The following CREBL2 variants were observed in gnomAD, a reference collection of about 807,000 sequenced individuals.
CREBL2 encodes cAMP-responsive element-binding protein-like 2.
In CREBL2, 4 loss-of-function variants were observed where a neutral mutation model predicts 19.5. The observed-to-expected ratio is 0.20, with a 90% CI of 0.10 to 0.47. The LOEUF (loss-of-function observed/expected upper bound fraction) is 0.47. CREBL2 is among the 20% of genes least tolerant of loss of function. CREBL2 has a pLI of 0.98. For synonymous variants in CREBL2, 42 were observed against 46.6 expected (o/e 0.90, Z 0.40); for missense variants, 85 against 145.1 (o/e 0.59, Z 2.13).
In CREBL2 at chr12:12,642,451, A is replaced by G. The variant is rs1010787243; in HGVS notation, c.*453A>G. ...AAACCAAATGAGCTGATTACTGACT[A>G]TAAGTTCTCAGCCTTTATGGACCTA... On this transcript the variant is annotated 3_prime_UTR_variant, in exon 4 of 4. Coordinates refer to ENST00000228865, the MANE Select transcript of CREBL2 (RefSeq NM_001310.4). 13 of 153,794 alleles carry G rather than the reference A, an allele frequency of 8.5e-5. No homozygotes were observed. The highest frequency in any genetic ancestry group is 3.1e-4 in the African/African-American group (13 of 41,500). The allele number at this position is 153,794 out of a possible 1,614,324, so 9.5% of individuals were successfully genotyped here. A position where few individuals can be genotyped will look rare whatever the true frequency, so the allele number is the denominator to read the frequency against.
At chr12:12,639,672 G>A (rs1045671783) in intron 3 of CREBL2, among the ~76,000 whole-genome samples, 1 of 152,094 alleles carries the variant, frequency 6.6e-6, no homozygotes, top group African/African-American at 2.4e-5. Flanking sequence ...TCTATTGGGG[G>A]AACCTGCCCC....
chr12:12,643,756 G>T lies in CREBL2; in HGVS notation c.*1758G>T, dbSNP rs1945544648. The T allele has an allele frequency of 6.6e-6, 1 of 152,166 alleles. No homozygotes were observed. Among genetic ancestry groups the T allele is most frequent in the South Asian group, 2.1e-4 (1 of 4,812 alleles). 9.4% of individuals were successfully genotyped at this position (152,166 alleles called of 1,614,324 possible). A position where few individuals can be genotyped will look rare whatever the true frequency, so the allele number is the denominator to read the frequency against. The stretch of plus-strand genomic sequence containing the variant: ...GCTGGGTCTCTATGTTTTGGAAGTT[G>T]GGGGTTTAATAATATTTAATGTCTT... On this transcript the variant is annotated 3_prime_UTR_variant, in exon 4 of 4. Coordinates refer to ENST00000228865, the MANE Select transcript of CREBL2 (RefSeq NM_001310.4).
At position 12,637,667 on chromosome 12, in the gene CREBL2, C is replaced by T; in HGVS notation, c.311C>T (p.Ser104Leu). The change falls in exon 3 of 4, where the codon TCA (serine) becomes TTA (leucine). Residue 104 changes from serine to leucine, a missense_variant. This residue lies in a region of CREBL2 where 42 missense variants were observed against 38.4 expected (regional missense o/e 1.09). Coordinates refer to ENST00000228865, the MANE Select transcript of CREBL2 (RefSeq NM_001310.4). ...GAGCAGAACAAATCTCAGCAGAACT[C>T]AAGCAGGCATACCAAGGCTGGGAAG... is the stretch of plus-strand genomic sequence containing the variant. ...GEEQNKSQQN[S>L]SRHTKAGKTD... 1 of 1,613,326 alleles carries T rather than the reference C, an allele frequency of 6.2e-7. No homozygotes were observed. Among genetic ancestry groups the T allele is most frequent in the Non-Finnish European group, 8.5e-7 (1 of 1,179,564 alleles).
intron 1 of CREBL2, among the ~76,000 whole-genome samples, chr12:12,613,550 G>C (rs1458396874): frequency 6.6e-6 from 1 of 152,168 alleles, no homozygotes; most frequent in Admixed American, 6.5e-5. Flanking sequence ...AGAAGGCTGT[G>C]AGGAAGTGAC....
intron 1 of CREBL2, among the ~76,000 whole-genome samples, chr12:12,632,857 C>T (rs1006662606): frequency 1.3e-5 from 2 of 151,192 alleles, no homozygotes; most frequent in African/African-American, 2.4e-5. Flanking sequence ...CCTGCAATTG[C>T]TTTCAAATAT....
Position 12,617,876 on chromosome 12 carries a change from C to T in CREBL2, c.15+5689C>T, listed in dbSNP as rs371182731. On this transcript the variant is annotated intron_variant, in intron 1 of 3. Transcript: ENST00000228865. The stretch of plus-strand genomic sequence containing the variant: ...ATTAGGGAATGGTGATGACTCTTAA[C>T]GAGCATGCTGCCTTCAAGCATCTGT... Among the ~76,000 whole-genome samples, 7 of 150,756 alleles carry T rather than the reference C, an allele frequency of 4.6e-5. No homozygotes were observed. In the East Asian group the frequency reaches 7.8e-4, roughly 17 times the overall value.
chr12:12,637,233 T>TAA (rs56369648), intron 2 of CREBL2, among the ~76,000 whole-genome samples: 1,627 of 148,658 alleles, frequency 0.011, 23 homozygotes, highest in African/African-American at 0.036. Context: ...TGACAATTAT[T>TAA]AAAAAAAAAA....
In CREBL2 at chr12:12,643,753, G is replaced by A. The variant is rs921167758; in HGVS notation, c.*1755G>A. ...TTTGCTGGGTCTCTATGTTTTGGAAGTTGGGGGTTTAATAATATTTAATGT... is the reference window on the plus strand; with the variant it reads ...TTTGCTGGGTCTCTATGTTTTGGAAATTGGGGGTTTAATAATATTTAATGT... On this transcript the variant is annotated 3_prime_UTR_variant, in exon 4 of 4. Coordinates refer to ENST00000228865, the MANE Select transcript of CREBL2 (RefSeq NM_001310.4). The A allele has an allele frequency of 2.6e-5, 4 of 152,318 alleles. No homozygotes were observed. Among genetic ancestry groups the A allele is most frequent in the African/African-American group, 7.2e-5 (3 of 41,566 alleles). 9.4% of individuals were successfully genotyped at this position (152,318 alleles called of 1,614,324 possible). A position where few individuals can be genotyped will look rare whatever the true frequency, so the allele number is the denominator to read the frequency against.
chr12:12,637,735 A>AAT, intron 3 of CREBL2, 21 bp downstream of exon 3: 1 of 1,592,832 alleles, frequency 6.3e-7, no homozygotes, highest in Non-Finnish European at 8.6e-7. Flanking sequence ...TCAATGGGAG[A>AAT]ATTTATATTT....
intron 3 of CREBL2, 113 bp downstream of exon 3, chr12:12,637,827 G>T (rs1945487363): frequency 8.3e-7 from 1 of 1,198,164 alleles, no homozygotes; most frequent in African/African-American, 1.6e-5. Context: ...GATCGCTTGA[G>T]CCCAGGAGTT....
chr12:12,636,424 ATT>A (rs1461833932), intron 2 of CREBL2, among the ~76,000 whole-genome samples: 2 of 151,804 alleles, frequency 1.3e-5, no homozygotes, highest in African/African-American at 4.8e-5. Flanking sequence ...TTTATTTTTT[ATT>A]TTTTATTTTT....
intron 1 of CREBL2, among the ~76,000 whole-genome samples, chr12:12,623,734 G>A (rs1945379372): frequency 6.6e-6 from 1 of 152,202 alleles, no homozygotes; most frequent in African/African-American, 2.4e-5. Flanking sequence ...GGAACCTGTG[G>A]TTATCACCTT....
At chr12:12,620,293 G>GTGCAATCATGGTTCAC (rs1410776350) in intron 1 of CREBL2, among the ~76,000 whole-genome samples, 4 of 151,680 alleles carry the variant, frequency 2.6e-5, no homozygotes, top group African/African-American at 9.7e-5. Context: ...GGCACAAGTG[G>GTGCAATCATGGTTCAC]TGCAATCATG....
Position 12,637,691 on chromosome 12 carries a change from A to G in CREBL2, c.335A>G (p.Lys112Arg). ...QNSSRHTKAG[K>R]TDANSNSW ...TCAAGCAGGCATACCAAGGCTGGGA[A>G]GACAGATGCTAATAGCAATTCCTGT... The change falls in exon 3 of 4, where the codon AAG becomes AGG. Residue 112 changes from lysine to arginine, a missense_variant. Around this residue, in one of 5 missense-constraint regions of CREBL2, gnomAD observed 42 missense variants for 38.4 expected, o/e 1.09. Coordinates refer to ENST00000228865, the MANE Select transcript of CREBL2 (RefSeq NM_001310.4). 1 of 1,612,400 alleles carries G rather than the reference A, an allele frequency of 6.2e-7. No individual in the cohort carries two copies. The highest frequency in any genetic ancestry group is 8.5e-7 in the Non-Finnish European group (1 of 1,179,362).
intron 1 of CREBL2, among the ~76,000 whole-genome samples, chr12:12,618,624 G>A (rs1160313027): frequency 3.9e-5 from 6 of 152,192 alleles, no homozygotes; most frequent in South Asian, 2.1e-4. Context: ...CTTCCCAGGC[G>A]GGGTGGCGGC....
At chr12:12,637,456 A>G in intron 2 of CREBL2, 114 bp from the exon 3 acceptor site, 1 of 606,452 alleles carries the variant, frequency 1.6e-6, no homozygotes, top group Non-Finnish European at 2.3e-6. Flanking sequence ...ACCTCTAGCC[A>G]TGGGAGTTCC....
intron 1 of CREBL2, among the ~76,000 whole-genome samples, chr12:12,612,888 T>G (rs1187535797): frequency 6.6e-6 from 1 of 152,256 alleles, no homozygotes; most frequent in Non-Finnish European, 1.5e-5. Context: ...ATTTATTAAT[T>G]GAGACGGAGT....
Position 12,644,476 on chromosome 12 carries a change from T to C in CREBL2, c.*2478T>C, listed in dbSNP as rs1307148942. The C allele has an allele frequency of 6.6e-6, 1 of 152,592 alleles. No homozygotes were observed. The highest frequency in any genetic ancestry group is 1.5e-5 in the Non-Finnish European group (1 of 68,042). The allele number at this position is 152,592 out of a possible 1,614,324, so 9.5% of individuals were successfully genotyped here. On this transcript the variant is annotated 3_prime_UTR_variant, in exon 4 of 4. Coordinates refer to ENST00000228865, the MANE Select transcript of CREBL2 (RefSeq NM_001310.4). ...AGTAAACAGAGTAATGTTTTTTTTC[T>C]TATTTTCCCAAAGAAAGAAAAGGGG...
At chr12:12,638,439 A>G (rs1455727893) in intron 3 of CREBL2, among the ~76,000 whole-genome samples, 11 of 152,212 alleles carry the variant, frequency 7.2e-5, no homozygotes, top group Admixed American at 7.2e-4. Context: ...CTCGTCTCAA[A>G]AAAAAAGAAA....
Sources: gnomAD v4.1 joint callset for allele counts (sites outside exome capture counted in the v4.1 genomes callset) on GRCh38, gnomAD v4.1.1 for gene constraint, gnomAD v4.1.1 regional missense constraint, MANE v1.5 for transcripts, NCBI Gene and HGNC (gene_info 2026-07-23, HGNC 2026-07-21) for gene names.